CCDC59: variants seen among roughly 807,000 people sequenced by gnomAD.
CCDC59 encodes the protein thyroid transcription factor 1-associated protein 26.
In CCDC59, 27 loss-of-function variants were observed where a neutral mutation model predicts 30.5. That is an observed-to-expected ratio of 0.89 (90% confidence interval 0.65 to 1.22). The LOEUF is 1.22. CCDC59 is among the 50% of genes most tolerant of loss of function. The probability of loss-of-function intolerance (pLI) is 0.00; values close to 1 mark genes in which losing one functional copy is unlikely to be tolerated. For missense variants in CCDC59, 362 were observed against 284.4 expected (o/e 1.27, Z -1.96); for synonymous variants, 125 against 100.9 (o/e 1.24, Z -1.43).
upstream of CCDC59, chr12:82,358,788 G>C: frequency 6.2e-7 from 1 of 1,613,718 alleles, no homozygotes; most frequent in Non-Finnish European, 8.5e-7. Flanking sequence ...CCTGCCCTCA[G>C]AGACGCGCCC....
chr12:82,353,629 G>A (rs1376343764), intron 3 of CCDC59, among the ~76,000 whole-genome samples: 1 of 152,130 alleles, frequency 6.6e-6, no homozygotes, highest in African/African-American at 2.4e-5. Context: ...AAAGGTGACA[G>A]ATGGTTGGAA....
chr12:82,352,960 G>A lies in CCDC59; in HGVS notation c.*191C>T. 2.2e-6 allele frequency: 1 copy of A among 444,514 alleles called. No individual in the cohort carries two copies. The allele number at this position is 444,514 out of a possible 1,614,324, so 27.5% of individuals were successfully genotyped here. On this transcript the variant is annotated 3_prime_UTR_variant, in exon 4 of 4. Transcript: ENST00000256151. ...TTCTTCAGGCCAACCTTCCTTCAGAGGCAAATAAATAAGAAACATGTAGAA... is the reference window on the plus strand; with the variant it reads ...TTCTTCAGGCCAACCTTCCTTCAGAAGCAAATAAATAAGAAACATGTAGAA...
chr12:82,358,527 C>T, upstream of CCDC59: 2 of 1,600,746 alleles, frequency 1.2e-6, no homozygotes, highest in Non-Finnish European at 1.7e-6. Context: ...CGCCTCACGG[C>T]CATGTTTGCG....
At chr12:82,353,560 A>T (rs968026605) in intron 3 of CCDC59, among the ~76,000 whole-genome samples, 1 of 152,158 alleles carries the variant, frequency 6.6e-6, no homozygotes, top group Non-Finnish European at 1.5e-5. Flanking sequence ...TTTTAAAAGG[A>T]CATTAAATGT....
intron 3 of CCDC59, 30 bp downstream of exon 3, chr12:82,354,465 T>G (rs1260781691): frequency 1.1e-5 from 16 of 1,518,042 alleles, no homozygotes; most frequent in Non-Finnish European, 1.3e-5. Flanking sequence ...TAAGAAAAAC[T>G]ATACTAAATA....
chr12:82,357,875 G>A (rs1218995217), intron 1 of CCDC59, among the ~76,000 whole-genome samples: 1 of 152,212 alleles, frequency 6.6e-6, no homozygotes, highest in Non-Finnish European at 1.5e-5. Flanking sequence ...AGAATTCGGA[G>A]CAGTGTTTCT....
At chr12:82,353,671 C>A (rs1796554491) in intron 3 of CCDC59, among the ~76,000 whole-genome samples, 1 of 152,110 alleles carries the variant, frequency 6.6e-6, no homozygotes, top group Non-Finnish European at 1.5e-5. Flanking sequence ...TAATACTGGT[C>A]CAGTATTCCC....
At chr12:82,356,690 C>T (rs1473161546) in intron 2 of CCDC59, among the ~76,000 whole-genome samples, 2 of 152,120 alleles carry the variant, frequency 1.3e-5, no homozygotes, top group Non-Finnish European at 2.9e-5. Flanking sequence ...AACATATGGT[C>T]CAATCAAGTT....
In CCDC59 at chr12:82,358,369, G is replaced by A. The variant is rs749244472; in HGVS notation, c.8C>T (p.Pro3Leu). 10 of 1,613,256 alleles carry A rather than the reference G, an allele frequency of 6.2e-6. No individual in the cohort carries two copies. The highest frequency in any genetic ancestry group is 8.5e-6 in the Non-Finnish European group (10 of 1,180,020). ...CCGCCACTTCGCGGACCGCCTCACC[G>A]GCGCCATTGCAGCCGACTAACTGCG... MA[P>L]VRRSAKWRPG... Residue 3 changes from proline (P) to leucine (L), a missense_variant, in exon 1 of 4, where the codon CCG becomes CTG. Physicochemically the swap from Pro to Leu is moderately conservative, Grantham distance 98. Transcript: ENST00000256151.
intron 3 of CCDC59, among the ~76,000 whole-genome samples, chr12:82,353,860 T>C (rs1350621163): frequency 6.6e-6 from 1 of 152,094 alleles, no homozygotes; most frequent in Non-Finnish European, 1.5e-5. Context: ...TCAATAAAAC[T>C]TCAATGGAAA....
chr12:82,357,436 T>C (rs760260572), intron 1 of CCDC59, 167 bp from the exon 2 acceptor site: 17 of 621,240 alleles, frequency 2.7e-5, no homozygotes, highest in Non-Finnish European at 3.1e-5. Flanking sequence ...AGCTGATGGA[T>C]TGCATAGTAA....
In CCDC59 at chr12:82,353,238, T is replaced by A. The variant is rs140355480; in HGVS notation, c.639A>T (p.Lys213Asn). 1 of 1,613,222 alleles carries A rather than the reference T, an allele frequency of 6.2e-7. No homozygotes were observed. The highest frequency in any genetic ancestry group is 8.5e-7 in the Non-Finnish European group (1 of 1,179,524). The change falls in exon 4 of 4, where the codon AAA becomes AAT. Residue 213 changes from lysine to asparagine, a missense_variant. By Grantham distance (94) the Lys-to-Asn change is moderately conservative (BLOSUM62 0). Transcript: ENST00000256151. ...QYKKKKMEVF[K>N]ILNKKTKKGQ... ...CCTTTTTAGTCTTTTTGTTCAGTATTTTAAACACTTCCATTTTCTTCTTTT... is the reference window on the plus strand; with the variant it reads ...CCTTTTTAGTCTTTTTGTTCAGTATATTAAACACTTCCATTTTCTTCTTTT...
rs1284425491 is a variant in CCDC59 at position 82,353,298 on chromosome 12, TCTC to T, written c.576_578del (p.Arg193del). The T allele has an allele frequency of 1.8e-5, 29 of 1,601,434 alleles. No homozygotes were observed. The highest frequency in any genetic ancestry group is 2.5e-5 in the Non-Finnish European group (29 of 1,176,454). On this transcript the variant is annotated inframe_deletion, in exon 4 of 4. Transcript: ENST00000256151. ...TTTGGGCTTCTTCTCTCTCCTGTTTTCTCCTCTCGAATTCCTAAAATTATTAAC... is the reference window on the plus strand; with the variant it reads ...TTTGGGCTTCTTCTCTCTCCTGTTTTCTCTCGAATTCCTAAAATTATTAAC...
upstream of CCDC59, chr12:82,358,407 C>T: frequency 1.2e-6 from 2 of 1,610,740 alleles, no homozygotes; most frequent in South Asian, 1.1e-5. Flanking sequence ...ATCAGAAGAC[C>T]ACGACGGACG....
chr12:82,353,978 AAAT>A (rs1346906018), intron 3 of CCDC59, among the ~76,000 whole-genome samples: 1 of 151,734 alleles, frequency 6.6e-6, no homozygotes, highest in East Asian at 1.9e-4. Context: ...CTGGTTTTCT[AAAT>A]AATAGAGTGC....
At chr12:82,357,414 G>A in intron 1 of CCDC59, 145 bp from the exon 2 acceptor site, 1 of 695,756 alleles carries the variant, frequency 1.4e-6, no homozygotes, top group Non-Finnish European at 2.4e-6. Flanking sequence ...ATTATTTCAA[G>A]CAACAAATTT....
chr12:82,356,921 A>C, intron 2 of CCDC59, 39 bp downstream of exon 2: 1 of 1,474,630 alleles, frequency 6.8e-7, no homozygotes, highest in Non-Finnish European at 9.3e-7. Flanking sequence ...TAAATAATAA[A>C]ACAACACTTA....
rs1881077919 is a variant in CCDC59, at chr12:82,357,141, G to A, written c.283C>T (p.His95Tyr). 6.2e-7 allele frequency: 1 copy of A among 1,614,148 alleles called. No individual in the cohort carries two copies. ...FTDRYPDNLK[H>Y]LYLAEEERHR... is the part of the protein sequence containing the mutation. ...CTTTCCTCTTCAGCTAAATAGAGAT[G>A]TTTCAGATTATCTGGGTATCGATCT... Residue 95 changes from histidine to tyrosine, a missense_variant, in exon 2 of 4, where the codon CAT becomes TAT. Transcript: ENST00000256151.
chr12:82,353,701 T>C (rs529016226), intron 3 of CCDC59, among the ~76,000 whole-genome samples: 4 of 152,166 alleles, frequency 2.6e-5, no homozygotes, highest in Non-Finnish European at 5.9e-5. Context: ...TTTTCCTGCT[T>C]TCTCCTAATC....
Sources: allele counts gnomAD v4.1 joint callset (sites outside exome capture counted in the v4.1 genomes callset), GRCh38; gene constraint gnomAD v4.1.1; transcripts MANE v1.5; gene names NCBI Gene and HGNC (gene_info 2026-07-23, HGNC 2026-07-21).